The following DCAF6 variants were observed in gnomAD, a reference collection of about 807,000 sequenced individuals.
DCAF6 encodes the protein DDB1 and CUL4 associated factor 6.
A neutral mutation model predicts 125.1 loss-of-function variants in DCAF6; 54 were observed. The observed-to-expected ratio is 0.43, with a 90% CI of 0.35 to 0.54. DCAF6 has a LOEUF of 0.54. Among genes scored for constraint, DCAF6 ranks in the 20% least tolerant of loss-of-function variants. The pLI is 0.01. For synonymous variants in DCAF6, 371 were observed against 390.4 expected, an observed-to-expected ratio of 0.95 and a Z score of 0.58; for missense variants, 934 against 1,161.7, an observed-to-expected ratio of 0.80 and a Z score of 2.85.
chr1:168,034,549 G>GA (rs1336184832), intron 12 of DCAF6, among the ~76,000 whole-genome samples: 1 of 152,104 alleles, frequency 6.6e-6, no homozygotes, highest in Admixed American at 6.5e-5. Flanking sequence ...CGTAACTAGA[G>GA]AAAAAATTAA....
At chr1:168,038,552 T>C in intron 13 of DCAF6, 64 bp downstream of exon 13, 1 of 1,165,512 alleles carries the variant, frequency 8.6e-7, no homozygotes, top group Non-Finnish European at 1.2e-6. Flanking sequence ...GATTTTAATT[T>C]TTAACACTTC....
intron 4 of DCAF6, among the ~76,000 whole-genome samples, chr1:167,981,236 C>T (rs944610337): frequency 3.3e-5 from 5 of 152,028 alleles, no homozygotes; most frequent in Non-Finnish European, 4.4e-5. Context: ...GAGTTTTATA[C>T]TTTCAGTTTG....
At chr1:168,010,106 G>C (rs1484604967) in intron 10 of DCAF6, among the ~76,000 whole-genome samples, 1 of 152,176 alleles carries the variant, frequency 6.6e-6, no homozygotes, top group Non-Finnish European at 1.5e-5. Context: ...ACCTAGAAGA[G>C]AGATGCTGTG....
At chr1:167,984,749 T>C (rs1679698498) in intron 4 of DCAF6, among the ~76,000 whole-genome samples, 1 of 152,240 alleles carries the variant, frequency 6.6e-6, no homozygotes, top group Non-Finnish European at 1.5e-5. Context: ...TTGCAGGGTA[T>C]AAATCTTATT....
chr1:167,939,371 G>A (rs1189927645), intron 1 of DCAF6, among the ~76,000 whole-genome samples: 2 of 151,914 alleles, frequency 1.3e-5, no homozygotes, highest in African/African-American at 2.4e-5. Context: ...TATCCATCAT[G>A]TCACATAATT....
At chr1:167,979,187 TTAACA>T (rs1678715172) in intron 4 of DCAF6, among the ~76,000 whole-genome samples, 1 of 152,186 alleles carries the variant, frequency 6.6e-6, no homozygotes, top group Non-Finnish European at 1.5e-5. Flanking sequence ...GTTTTTTGTG[TTAACA>T]TAATTTATTT....
intron 2 of DCAF6, among the ~76,000 whole-genome samples, chr1:167,954,606 C>A (rs1674480080): frequency 6.6e-6 from 1 of 151,994 alleles, no homozygotes; most frequent in Non-Finnish European, 1.5e-5. Context: ...GCACCCACCA[C>A]CAAGCGCGGC....
intron 3 of DCAF6, among the ~76,000 whole-genome samples, chr1:167,968,335 TGAAAA>T (rs1254830316): frequency 6.6e-6 from 1 of 151,758 alleles, no homozygotes; most frequent in Admixed American, 6.6e-5. Context: ...GATAAACCAC[TGAAAA>T]GAAGAGACCC....
At chr1:167,971,066 C>T (rs1677230081) in intron 3 of DCAF6, among the ~76,000 whole-genome samples, 1 of 152,082 alleles carries the variant, frequency 6.6e-6, no homozygotes, top group Non-Finnish European at 1.5e-5. Flanking sequence ...ACTTATAGTC[C>T]TCAGAGCTTA....
intron 10 of DCAF6, among the ~76,000 whole-genome samples, chr1:168,012,296 G>C (rs1021026160): frequency 6.6e-6 from 1 of 152,202 alleles, no homozygotes; most frequent in Non-Finnish European, 1.5e-5. Flanking sequence ...AGCTGTTTTT[G>C]TTGTTCTTCT....
chr1:167,903,648 A>G, the DCAF6 span, among the ~76,000 whole-genome samples: 9 of 152,206 alleles, frequency 5.9e-5, no homozygotes, highest in South Asian at 2.1e-4. Context: ...AGCAGTGTAT[A>G]ATTCAGCCCT....
At chr1:167,923,894 C>T in the DCAF6 span, among the ~76,000 whole-genome samples, 1 of 152,118 alleles carries the variant, frequency 6.6e-6, no homozygotes, top group Non-Finnish European at 1.5e-5. Flanking sequence ...TTGAGAAGCA[C>T]AGTTATAGAC....
At position 167,937,024 on chromosome 1, in the gene DCAF6, G is replaced by T. The variant is rs1352826166; in HGVS notation, c.97+16G>T. On this transcript the variant is annotated intron_variant, in intron 1 of 21. Coordinates refer to ENST00000367840, the MANE Select transcript of DCAF6 (RefSeq NM_001198956.2). ...CGCTACCTGGGTGAGCGGGGGCCCC[G>T]GGGCGGAGGCGCTGAGGTCGCCGCC... 1 of 1,599,360 alleles carries T rather than the reference G, an allele frequency of 6.3e-7. No homozygotes were observed. Among genetic ancestry groups the T allele is most frequent in the East Asian group, 2.3e-5 (1 of 44,442 alleles).
At chr1:168,019,496 C>A in intron 11 of DCAF6, 1 of 445,804 alleles carries the variant, frequency 2.2e-6, no homozygotes, top group South Asian at 1.6e-5. Context: ...ATGGCAGAGG[C>A]ATTCAGCATA....
chr1:168,022,874 T>A, intron 11 of DCAF6, 114 bp from the exon 12 acceptor site: 2 of 912,812 alleles, frequency 2.2e-6, no homozygotes, highest in Non-Finnish European at 3.5e-6. Context: ...ACCACAGTAC[T>A]TACTTCTATT....
intron 12 of DCAF6, chr1:168,023,259 G>A (rs1685890491): frequency 3.5e-6 from 2 of 566,642 alleles, no homozygotes; most frequent in Non-Finnish European, 6.3e-6. Flanking sequence ...TTCTCACTTT[G>A]GCCCTTGATG....
intron 6 of DCAF6, among the ~76,000 whole-genome samples, chr1:167,992,974 CA>C (rs1405253657): frequency 6.6e-6 from 1 of 152,116 alleles, no homozygotes; most frequent in East Asian, 1.9e-4. Flanking sequence ...CTCATTTCAA[CA>C]AAGCATACGT....
At chr1:168,001,066 A>G (rs375454350) in intron 7 of DCAF6, among the ~76,000 whole-genome samples, 1 of 152,104 alleles carries the variant, frequency 6.6e-6, no homozygotes, top group Non-Finnish European at 1.5e-5. Context: ...TTTGGGAGGC[A>G]GAAGTGGGAG....
intron 18 of DCAF6, chr1:168,064,015 G>GT (rs11295033): frequency 0.044 from 5,299 of 121,052 alleles, 141 homozygotes; most frequent in African/African-American, 0.12. Flanking sequence ...CATTGCTTTT[G>GT]TTTTTTTTTT....
Sources: allele counts gnomAD v4.1 joint callset (sites outside exome capture counted in the v4.1 genomes callset), GRCh38; gene constraint gnomAD v4.1.1; transcripts MANE v1.5; gene names NCBI Gene and HGNC (gene_info 2026-07-23, HGNC 2026-07-21).